The following DDX60 variants were observed in gnomAD, a reference collection of about 807,000 sequenced individuals.
DDX60 encodes probable ATP-dependent RNA helicase DDX60.
DDX60 carries 165 observed loss-of-function variants against 212.8 expected under a neutral mutation model. That is an observed-to-expected ratio of 0.78 (90% CI 0.68 to 0.88). The LOEUF (loss-of-function observed/expected upper bound fraction) is 0.88. Among genes scored for constraint, DDX60 ranks in the 40% least tolerant of loss-of-function variants. The pLI is 0.00. For missense variants in DDX60, 1,905 were observed against 2,003.9 expected (o/e 0.95, Z 0.94); for synonymous variants, 703 against 685.3 (o/e 1.03, Z -0.40).
chr4:168,285,478 G>T lies in DDX60; in HGVS notation c.1360C>A (p.Pro454Thr). The T allele has an allele frequency of 6.2e-7, 1 of 1,608,360 alleles. No individual in the cohort carries two copies. Reference protein sequence around the residue: ...PIKDSSNEMVPNLGFIPTSSF... With the variant: ...PIKDSSNEMVTNLGFIPTSSF... ...GACGTTGGAATAAAACCCAAATTGG[G>T]CACCATTTCATTGGAGCTGTCTGTA... is the stretch of plus-strand genomic sequence containing the variant. Residue 454 changes from proline to threonine, a missense_variant, in exon 11 of 38, where the codon CCC (proline) becomes ACC (threonine). Transcript: ENST00000393743.
chr4:168,279,617 G>A (rs1032018199), intron 14 of DDX60, among the ~76,000 whole-genome samples: 20 of 152,228 alleles, frequency 1.3e-4, no homozygotes, highest in Admixed American at 9.2e-4. Flanking sequence ...AGTGATATTC[G>A]AGACTTCCTG....
chr4:168,321,107 C>G (rs1358534161), upstream of DDX60, among the ~76,000 whole-genome samples: 1 of 152,164 alleles, frequency 6.6e-6, no homozygotes, highest in Non-Finnish European at 1.5e-5. Flanking sequence ...ATTTTCCACC[C>G]CAAAGTATGT....
At chr4:168,320,294 T>G (rs531362556), upstream of DDX60, among the ~76,000 whole-genome samples, 1 of 152,204 alleles carries the variant, frequency 6.6e-6, no homozygotes, top group Middle Eastern at 3.4e-3. Flanking sequence ...CCCAAGGTCA[T>G]CAGAAGGGCC....
intron 30 of DDX60, among the ~76,000 whole-genome samples, chr4:168,242,940 T>TGTGAGAG (rs1399403024): frequency 6.6e-6 from 1 of 152,144 alleles, no homozygotes; most frequent in Non-Finnish European, 1.5e-5. Flanking sequence ...GTGAGGTAAT[T>TGTGAGAG]GAAACATGGG....
Position 168,216,977 on chromosome 4 carries a change from C to A in DDX60, c.5095G>T (p.Glu1699Ter). The change falls in exon 38 of 38, where the codon GAA (glutamate) becomes TAA (stop). Residue 1699 changes from glutamate (E) to a stop codon, truncating the protein, a stop_gained. Transcript: ENST00000393743. LOFTEE classifies it high-confidence loss of function. ...NEDDNVVLAF[E>*]QLSTTFWEKL... The stretch of plus-strand genomic sequence containing the variant: ...TCCCAAAAAGTTGTACTCAGTTGTT[C>A]AAAGGCTAAGACAACGTTGTCGTCT... The A allele has an allele frequency of 6.2e-7, 1 of 1,605,582 alleles. No homozygotes were observed. The highest frequency in any genetic ancestry group is 8.5e-7 in the Non-Finnish European group (1 of 1,177,360).
chr4:168,242,351 T>C (rs984939900), intron 30 of DDX60, among the ~76,000 whole-genome samples: 31 of 152,184 alleles, frequency 2.0e-4, no homozygotes, highest in African/African-American at 7.2e-4. Flanking sequence ...CACTGACAGC[T>C]TGCGCTGTGT....
At chr4:168,272,845 T>C (rs937160729) in intron 18 of DDX60, among the ~76,000 whole-genome samples, 2 of 152,234 alleles carry the variant, frequency 1.3e-5, no homozygotes, top group African/African-American at 4.8e-5. Flanking sequence ...TGTTGATCTG[T>C]GAGTTCATAA....
intron 8 of DDX60, among the ~76,000 whole-genome samples, chr4:168,290,711 T>C (rs1019103038): frequency 6.0e-4 from 92 of 152,242 alleles, no homozygotes; most frequent in Middle Eastern, 6.8e-3. Flanking sequence ...ATCTTTTTAT[T>C]ATCAGATTAT....
upstream of DDX60, among the ~76,000 whole-genome samples, chr4:168,322,096 T>C (rs892488809): frequency 4.6e-5 from 7 of 152,184 alleles, no homozygotes; most frequent in African/African-American, 9.6e-5. Context: ...AGATATCCAA[T>C]GAGGATCCAC....
Position 168,268,842 on chromosome 4 carries a change from C to A in DDX60, c.2786+12G>T. 6.9e-7 allele frequency: 1 copy of A among 1,444,932 alleles called. No homozygotes were observed. Among genetic ancestry groups the A allele is most frequent in the South Asian group, 1.3e-5 (1 of 75,908 alleles). The allele number at this position is 1,444,932 out of a possible 1,614,324, so 89.5% of individuals were successfully genotyped here. A position where few individuals can be genotyped will look rare whatever the true frequency, so the allele number is the denominator to read the frequency against. On this transcript the variant is annotated intron_variant, in intron 20 of 37. Coordinates refer to ENST00000393743, the MANE Select transcript of DDX60 (RefSeq NM_017631.6). Reference sequence around the variant, plus strand: ...GATAAACACTCTGTCCAAATTGAAACTTAATGCCTACTCGGTGAGATGTTC... The same window carrying A: ...GATAAACACTCTGTCCAAATTGAAAATTAATGCCTACTCGGTGAGATGTTC...
At chr4:168,229,542 C>G (rs1231619647) in intron 33 of DDX60, among the ~76,000 whole-genome samples, 1 of 151,906 alleles carries the variant, frequency 6.6e-6, no homozygotes, top group Non-Finnish European at 1.5e-5. Flanking sequence ...CAGATACAAG[C>G]ACAGAGGCTG....
chr4:168,225,440 G>A (rs1002918295), intron 34 of DDX60, 89 bp downstream of exon 34: 1 of 1,328,900 alleles, frequency 7.5e-7, no homozygotes, highest in African/African-American at 1.5e-5. Context: ...AAACTTTCTG[G>A]GGTTCCACTC....
intron 19 of DDX60, among the ~76,000 whole-genome samples, chr4:168,269,484 C>T (rs1256846393): frequency 6.6e-6 from 1 of 152,038 alleles, no homozygotes; most frequent in Admixed American, 6.6e-5. Flanking sequence ...GCCTGTAGTC[C>T]CAGCTACTTC....
chr4:168,218,469 C>T (rs1732929858), intron 37 of DDX60, among the ~76,000 whole-genome samples: 1 of 152,032 alleles, frequency 6.6e-6, no homozygotes, highest in Admixed American at 6.6e-5. Flanking sequence ...ATTTCAATTC[C>T]CTTAATTCAG....
At chr4:168,298,031 A>G (rs1220788938) in intron 6 of DDX60, among the ~76,000 whole-genome samples, 1 of 151,882 alleles carries the variant, frequency 6.6e-6, no homozygotes, top group Non-Finnish European at 1.5e-5. Context: ...TTAAAACTTC[A>G]GAAACCAAAT....
intron 1 of DDX60, 49 bp from the exon 2 acceptor site, chr4:168,311,414 G>T: frequency 2.8e-6 from 2 of 702,880 alleles, no homozygotes; most frequent in Non-Finnish European, 4.8e-6. Flanking sequence ...AACATGTATT[G>T]AATGACTACT....
intron 33 of DDX60, among the ~76,000 whole-genome samples, chr4:168,235,006 C>A (rs887968062): frequency 1.3e-5 from 2 of 151,998 alleles, no homozygotes; most frequent in Non-Finnish European, 2.9e-5. Context: ...TGCTAAAGAT[C>A]CACCTTTTTC....
chr4:168,230,781 T>A (rs1472516551), intron 33 of DDX60, among the ~76,000 whole-genome samples: 1 of 151,826 alleles, frequency 6.6e-6, no homozygotes, highest in African/African-American at 2.4e-5. Context: ...CTCAAGGAAC[T>A]AGAGAAACAA....
rs373343967 is a variant in DDX60 at position 168,288,332 on chromosome 4, A to G, written c.1042-17T>C. Reference sequence around the variant, plus strand: ...CCACTTTTTCTGAAAATTGAAAAGAAAACCAAGTTATTGGCAATATTCATA... The same window carrying G: ...CCACTTTTTCTGAAAATTGAAAAGAGAACCAAGTTATTGGCAATATTCATA... On this transcript the variant is annotated splice_polypyrimidine_tract_variant and intron_variant, in intron 8 of 37. Transcript: ENST00000393743. 5 of 1,443,868 alleles carry G rather than the reference A, an allele frequency of 3.5e-6. No homozygotes were observed. The highest frequency in any genetic ancestry group is 1.8e-4 in the Middle Eastern group (1 of 5,656). The allele number at this position is 1,443,868 out of a possible 1,614,324, so 89.4% of individuals were successfully genotyped here. A position where few individuals can be genotyped will look rare whatever the true frequency, so the allele number is the denominator to read the frequency against.
Sources: gnomAD v4.1 joint callset for allele counts (sites outside exome capture counted in the v4.1 genomes callset) on GRCh38, gnomAD v4.1.1 for gene constraint, MANE v1.5 for transcripts, NCBI Gene and HGNC (gene_info 2026-07-23, HGNC 2026-07-21) for gene names.